The following TRAPPC9 variants were observed in gnomAD, a reference collection of about 807,000 sequenced individuals.
TRAPPC9 encodes trafficking protein particle complex subunit 9.
TRAPPC9 carries 83 observed loss-of-function variants against 124.0 expected under a neutral mutation model. The observed-to-expected ratio is 0.67, with a 90% CI of 0.56 to 0.80. The LOEUF is 0.80. TRAPPC9 is among the 30% of genes least tolerant of loss of function. The pLI is 0.00. For synonymous variants in TRAPPC9, 638 were observed against 617.5 expected (o/e 1.03, Z -0.49); for missense variants, 1,302 against 1,508.3 (o/e 0.86, Z 2.27).
chr8:140,436,294 T>C (rs1251837137), intron 3 of TRAPPC9, among the ~76,000 whole-genome samples: 1 of 152,034 alleles, frequency 6.6e-6, no homozygotes, highest in Non-Finnish European at 1.5e-5. Context: ...TTCAGTGAGC[T>C]GAAATCACGC....
chr8:140,094,694 C>A (rs571081194), intron 17 of TRAPPC9, among the ~76,000 whole-genome samples: 3 of 152,190 alleles, frequency 2.0e-5, no homozygotes, highest in Non-Finnish European at 4.4e-5. Context: ...GCACTGGGCA[C>A]GGTGCCCTGG....
intron 16 of TRAPPC9, among the ~76,000 whole-genome samples, chr8:140,232,458 G>C (rs961917497): frequency 2.6e-5 from 4 of 152,164 alleles, no homozygotes; most frequent in Non-Finnish European, 5.9e-5. Context: ...GCCCGGAGCA[G>C]AGTCACTGGA....
At chr8:140,101,776 C>T (rs55727726) in intron 17 of TRAPPC9, among the ~76,000 whole-genome samples, 77 of 151,866 alleles carry the variant, frequency 5.1e-4, no homozygotes, top group African/African-American at 1.8e-3. Context: ...CTCCTGACCT[C>T]GGGTGATCCA....
chr8:139,783,422 A>G (rs1821971922), intron 21 of TRAPPC9, among the ~76,000 whole-genome samples: 1 of 152,212 alleles, frequency 6.6e-6, no homozygotes, highest in African/African-American at 2.4e-5. Context: ...ATTTGACAAC[A>G]TAGATAAAAT....
intron 19 of TRAPPC9, among the ~76,000 whole-genome samples, chr8:139,948,481 A>G (rs1247586200): frequency 6.6e-6 from 1 of 152,216 alleles, no homozygotes; most frequent in African/African-American, 2.4e-5. Flanking sequence ...GACATCAAGG[A>G]AGCCAATGTG....
intron 17 of TRAPPC9, among the ~76,000 whole-genome samples, chr8:140,054,278 T>A (rs1472339368): frequency 6.6e-6 from 1 of 152,172 alleles, no homozygotes; most frequent in Non-Finnish European, 1.5e-5. Flanking sequence ...ATGCAATACA[T>A]CCATGTGACA....
intron 7 of TRAPPC9, among the ~76,000 whole-genome samples, chr8:140,371,629 A>AT (rs2068283694): frequency 2.8e-5 from 2 of 72,136 alleles, no homozygotes; most frequent in Admixed American, 1.4e-4. Flanking sequence ...TTCAGGGTTT[A>AT]CAAAAGTTTT....
chr8:140,094,291 G>A (rs1299939692), intron 17 of TRAPPC9, among the ~76,000 whole-genome samples: 1 of 152,184 alleles, frequency 6.6e-6, no homozygotes, highest in Admixed American at 6.5e-5. Context: ...ACAAAAGGGT[G>A]GTCATCTTCC....
At chr8:140,368,738 C>T (rs1461824285) in intron 8 of TRAPPC9, among the ~76,000 whole-genome samples, 1 of 152,104 alleles carries the variant, frequency 6.6e-6, no homozygotes, top group Non-Finnish European at 1.5e-5. Flanking sequence ...CTTCACTGCC[C>T]GCCTGACTCT....
At chr8:140,028,130 T>C (rs1163960686) in intron 17 of TRAPPC9, among the ~76,000 whole-genome samples, 1 of 151,976 alleles carries the variant, frequency 6.6e-6, no homozygotes, top group African/African-American at 2.4e-5. Flanking sequence ...TAGAATATTA[T>C]ATATAAGGTC....
chr8:140,205,651 A>G (rs1326069037), intron 17 of TRAPPC9, among the ~76,000 whole-genome samples: 1 of 152,256 alleles, frequency 6.6e-6, no homozygotes, highest in African/African-American at 2.4e-5. Flanking sequence ...AATACAGATG[A>G]GGAGGAGGAA....
chr8:139,762,022 C>T (rs538775956), intron 21 of TRAPPC9, among the ~76,000 whole-genome samples: 61 of 151,910 alleles, frequency 4.0e-4, no homozygotes, highest in Non-Finnish European at 7.5e-4. Flanking sequence ...CCCTCTATAA[C>T]CCGGCCCTGT....
chr8:140,019,706 C>G lies in TRAPPC9; in HGVS notation c.2699+4231G>C, dbSNP rs191548860. 1.4e-4 allele frequency among the ~76,000 whole-genome samples: 21 copies of G among 151,898 alleles called. No individual in the cohort carries two copies. In the South Asian group the frequency reaches 4.4e-3, roughly 32 times the overall value. On this transcript the variant is annotated intron_variant, in intron 18 of 22. Coordinates refer to ENST00000438773, the MANE Select transcript of TRAPPC9 (RefSeq NM_001160372.4). ...TGGCTGGAATTACAGGCATGCACCA[C>G]GTGCCCAGCTAATTTTTCTATGTTT...
intron 20 of TRAPPC9, among the ~76,000 whole-genome samples, chr8:139,905,190 T>C (rs933126880): frequency 6.6e-6 from 1 of 151,782 alleles, no homozygotes; most frequent in African/African-American, 2.4e-5. Flanking sequence ...CCAGGGAAAC[T>C]GCACAGACAT....
intron 8 of TRAPPC9, 130 bp downstream of exon 8, chr8:140,370,834 G>A: frequency 1.0e-6 from 1 of 994,264 alleles, no homozygotes. Flanking sequence ...CCAACTCCAG[G>A]GCAGGGATCT....
At chr8:139,964,244 A>AAAAAAT (rs59677763) in intron 19 of TRAPPC9, among the ~76,000 whole-genome samples, 1 of 138,028 alleles carries the variant, frequency 7.2e-6, no homozygotes, top group Non-Finnish European at 1.6e-5. Flanking sequence ...AAAAAAAAAA[A>AAAAAAT]AGCGGGGGAG....
intron 2 of TRAPPC9, among the ~76,000 whole-genome samples, chr8:140,441,184 T>C (rs148593720): frequency 3.3e-5 from 5 of 151,780 alleles, no homozygotes; most frequent in African/African-American, 9.7e-5. Context: ...TCTCCTTATG[T>C]TGCTCAAGCT....
At chr8:139,755,583 A>G (rs2130272597) in intron 21 of TRAPPC9, among the ~76,000 whole-genome samples, 1 of 130,006 alleles carries the variant, frequency 7.7e-6, no homozygotes, top group Non-Finnish European at 1.6e-5. Flanking sequence ...ATGGGGTATA[A>G]GGACAGCAGG....
intron 19 of TRAPPC9, among the ~76,000 whole-genome samples, chr8:139,951,428 C>T (rs890274924): frequency 5.3e-5 from 8 of 152,250 alleles, no homozygotes; most frequent in African/African-American, 1.9e-4. Context: ...GTCCTCACTG[C>T]CACCATCCCG....
Sources: allele counts gnomAD v4.1 joint callset (sites outside exome capture counted in the v4.1 genomes callset), GRCh38; gene constraint gnomAD v4.1.1; transcripts MANE v1.5; gene names NCBI Gene and HGNC (gene_info 2026-07-23, HGNC 2026-07-21).